The following DDX60L variants were observed in gnomAD, a reference collection of about 807,000 sequenced individuals.
DDX60L encodes DExD/H-box 60 like.
In DDX60L, 191 loss-of-function variants were observed where a neutral mutation model predicts 211.6. The observed-to-expected ratio is 0.90, with a 90% confidence interval of 0.80 to 1.02. DDX60L has a LOEUF of 1.02. DDX60L is among the 50% of genes least tolerant of loss of function. The pLI is 0.00. For missense variants in DDX60L, 2,007 were observed against 1,984.1 expected, an observed-to-expected ratio of 1.01 and a Z score of -0.22; for synonymous variants, 706 against 694.1, an observed-to-expected ratio of 1.02 and a Z score of -0.27.
At chr4:168,442,675 G>A (rs1561082924) in intron 9 of DDX60L, among the ~76,000 whole-genome samples, 1 of 151,702 alleles carries the variant, frequency 6.6e-6, no homozygotes, top group Non-Finnish European at 1.5e-5. Flanking sequence ...CGCAGCTGGA[G>A]ATCTGAGAAC....
chr4:168,370,824 T>C (rs1340329418), intron 36 of DDX60L, among the ~76,000 whole-genome samples: 1 of 152,186 alleles, frequency 6.6e-6, no homozygotes, highest in Non-Finnish European at 1.5e-5. Flanking sequence ...CCTGAATCAC[T>C]GTTTAAAAGC....
chr4:168,395,562 T>A (rs1488173744), intron 27 of DDX60L, among the ~76,000 whole-genome samples: 3 of 152,224 alleles, frequency 2.0e-5, no homozygotes, highest in Non-Finnish European at 4.4e-5. Flanking sequence ...TATTTCAATA[T>A]CTGTTTAAAG....
Position 168,457,835 on chromosome 4 carries a change from A to C in DDX60L, c.723+57T>G, listed in dbSNP as rs552822786. 8 of 1,118,960 alleles carry C rather than the reference A, an allele frequency of 7.1e-6. No homozygotes were observed. The South Asian group carries it at 8.9e-5, about 12-fold the overall frequency. The allele number at this position is 1,118,960 out of a possible 1,614,324, so 69.3% of individuals were successfully genotyped here. ...TAAGGACTGAACTAATCACAAGTTC[A>C]TTCTCATTTACCAAATTCTATCAAA... On this transcript the variant is annotated intron_variant, in intron 6 of 37. Coordinates refer to ENST00000682922, the MANE Select transcript of DDX60L (RefSeq NM_001012967.3).
intron 8 of DDX60L, 87 bp from the exon 9 acceptor site, chr4:168,448,866 G>T (rs1755226701): frequency 8.2e-7 from 1 of 1,222,294 alleles, no homozygotes; most frequent in African/African-American, 1.5e-5. Context: ...TAGGTCACAA[G>T]GGACATTTCT....
chr4:168,384,472 G>T, intron 30 of DDX60L, 140 bp downstream of exon 30: 1 of 1,086,724 alleles, frequency 9.2e-7, no homozygotes, highest in Admixed American at 2.3e-5. Context: ...AGATGACACA[G>T]CAAGACCCTG....
chr4:168,361,261 A>G lies in DDX60L; in HGVS notation c.4929-50T>C, dbSNP rs1394101010. 7 of 1,293,908 alleles carry G rather than the reference A, an allele frequency of 5.4e-6. No homozygotes were observed. In the Admixed American group the frequency reaches 1.3e-4, roughly 25 times the overall value. The allele number at this position is 1,293,908 out of a possible 1,614,324, so 80.2% of individuals were successfully genotyped here. A position where few individuals can be genotyped will look rare whatever the true frequency, so the allele number is the denominator to read the frequency against. On this transcript the variant is annotated intron_variant, in intron 36 of 37. Transcript: ENST00000682922. ...TAAAAAGTATAAAAACATAAACATA[A>G]AAGAATTAACTCAAACTTTAATAGT...
At chr4:168,377,339 TAAAA>T (rs1553990364) in intron 33 of DDX60L, among the ~76,000 whole-genome samples, 4 of 123,940 alleles carry the variant, frequency 3.2e-5, no homozygotes, top group Admixed American at 1.6e-4. Flanking sequence ...AATAAATAAA[TAAAA>T]ATATCTTCTT....
At chr4:168,434,171 C>G (rs1430396419) in intron 10 of DDX60L, among the ~76,000 whole-genome samples, 4 of 151,684 alleles carry the variant, frequency 2.6e-5, no homozygotes, top group South Asian at 2.1e-4. Context: ...ATGTGTATAT[C>G]GTATATGAGA....
chr4:168,425,578 A>G (rs1221611511), intron 14 of DDX60L, among the ~76,000 whole-genome samples: 2 of 152,154 alleles, frequency 1.3e-5, no homozygotes, highest in Admixed American at 1.3e-4. Flanking sequence ...CCTGGCCAAC[A>G]TGGCAAAACC....
chr4:168,360,900 T>C (rs779801169), intron 37 of DDX60L, among the ~76,000 whole-genome samples: 2 of 152,256 alleles, frequency 1.3e-5, no homozygotes, highest in Non-Finnish European at 2.9e-5. Context: ...TTCCAGGCTC[T>C]GATCCGAATG....
At position 168,461,818 on chromosome 4, in the gene DDX60L, T is replaced by A. The variant is rs367978224; in HGVS notation, c.487A>T (p.Ile163Leu). The A allele has an allele frequency of 1.2e-4, 196 of 1,607,258 alleles. No homozygotes were observed. Among genetic ancestry groups the A allele is most frequent in the Non-Finnish European group, 1.6e-4 (189 of 1,176,176 alleles). The change falls in exon 5 of 38, where the codon ATA becomes TTA. Residue 163 changes from isoleucine to leucine, a missense_variant. By Grantham distance (5) the Ile-to-Leu change is conservative (BLOSUM62 2). Transcript: ENST00000682922. ...LQTYLFNFLI[I>L]HSWGMKVNVV... ...TTGACTTTCATTCCCCAGGAATGTA[T>A]GATTAGGAAGTTAAAAAGGTACGTT... is the stretch of plus-strand genomic sequence containing the variant.
intron 13 of DDX60L, 133 bp downstream of exon 13, chr4:168,430,345 T>C: frequency 1.4e-6 from 1 of 707,244 alleles, no homozygotes; most frequent in Non-Finnish European, 2.2e-6. Flanking sequence ...TTTCTAGCAA[T>C]GTGAGAATGG....
At chr4:168,427,906 T>C (rs1029555848) in intron 13 of DDX60L, among the ~76,000 whole-genome samples, 3 of 152,176 alleles carry the variant, frequency 2.0e-5, no homozygotes, top group African/African-American at 7.2e-5. Context: ...TCTATTTCAG[T>C]GTGGAGGCTG....
chr4:168,388,352 G>A (rs1405457977), intron 29 of DDX60L, among the ~76,000 whole-genome samples: 3 of 152,208 alleles, frequency 2.0e-5, no homozygotes, highest in African/African-American at 7.2e-5. Context: ...TAGCAGAAAT[G>A]AGAGGTCAAT....
chr4:168,437,733 G>A (rs1579640632), intron 10 of DDX60L, among the ~76,000 whole-genome samples: 1 of 152,202 alleles, frequency 6.6e-6, no homozygotes, highest in East Asian at 1.9e-4. Flanking sequence ...GTGATGTCAT[G>A]CACCCTATAG....
chr4:168,423,236 T>C (rs1432668297), intron 15 of DDX60L, among the ~76,000 whole-genome samples: 1 of 152,144 alleles, frequency 6.6e-6, no homozygotes, highest in Non-Finnish European at 1.5e-5. Flanking sequence ...CATCCTGGAA[T>C]TGGAACCTGG....
At chr4:168,373,269 G>A (rs911365180) in intron 35 of DDX60L, among the ~76,000 whole-genome samples, 9 of 152,038 alleles carry the variant, frequency 5.9e-5, no homozygotes, top group African/African-American at 2.2e-4. Flanking sequence ...ACCTCCCAGA[G>A]GTTCTAATGC....
intron 4 of DDX60L, among the ~76,000 whole-genome samples, chr4:168,464,819 A>C (rs1158997861): frequency 6.6e-6 from 1 of 152,114 alleles, no homozygotes; most frequent in East Asian, 1.9e-4. Flanking sequence ...GTTGCCACAA[A>C]TGACCGAATT....
chr4:168,376,879 C>A (rs1158469071), intron 33 of DDX60L, among the ~76,000 whole-genome samples: 1 of 152,218 alleles, frequency 6.6e-6, no homozygotes. Flanking sequence ...CTCAATAAAT[C>A]TTTGCTAATT....
Sources: gnomAD v4.1 joint callset for allele counts (sites outside exome capture counted in the v4.1 genomes callset) on GRCh38, gnomAD v4.1.1 for gene constraint, MANE v1.5 for transcripts, NCBI Gene and HGNC (gene_info 2026-07-23, HGNC 2026-07-21) for gene names.